Variants in MRPL37 observed in about 807,000 individuals in gnomAD.
MRPL37 encodes mitochondrial ribosomal protein L37.
MRPL37 carries 34 observed loss-of-function variants against 44.1 expected under a neutral mutation model. That is an observed-to-expected ratio of 0.77 (90% CI 0.59 to 1.03). The LOEUF (loss-of-function observed/expected upper bound fraction) is 1.03, where lower values mean the gene tolerates loss of function less well. Among genes scored for constraint, MRPL37 ranks in the 50% least tolerant of loss-of-function variants. The probability of loss-of-function intolerance (pLI) is 0.00; values close to 1 mark genes in which losing one functional copy is unlikely to be tolerated. For synonymous variants in MRPL37, 212 were observed against 219.5 expected (o/e 0.97, Z 0.30); for missense variants, 532 against 543.7 (o/e 0.98, Z 0.21).
At chr1:54,204,002 A>G (rs1644103576) in intron 1 of MRPL37, among the ~76,000 whole-genome samples, 1 of 152,184 alleles carries the variant, frequency 6.6e-6, no homozygotes, top group Non-Finnish European at 1.5e-5. Flanking sequence ...GAAGCTGAAA[A>G]TATTTACTAT....
intron 4 of MRPL37, among the ~76,000 whole-genome samples, chr1:54,212,116 T>C (rs1460241497): frequency 1.3e-5 from 2 of 152,162 alleles, no homozygotes; most frequent in African/African-American, 4.8e-5. Flanking sequence ...TGTGCCAGAA[T>C]GAGAGAGAAA....
Position 54,216,152 on chromosome 1 carries a change from G to C in MRPL37, c.1002G>C (p.Lys334Asn), listed in dbSNP as rs1644195657. ...CCTTTTCCTCTCAGAATGATGCCAA[G>C]GTCTTGGAGCAGCCCGTGGTGGTGC... ...QARLLYGNDAKVLEQPVVVQS... is the reference protein window; with the variant it reads ...QARLLYGNDANVLEQPVVVQS... The change falls in exon 6 of 7, where the codon AAG becomes AAC. Residue 334 changes from lysine to asparagine, a missense_variant. Lys to Asn is a moderately conservative substitution (Grantham distance 94, BLOSUM62 0). Transcript: ENST00000360840. 2.5e-6 allele frequency: 4 copies of C among 1,614,088 alleles called. No individual in the cohort carries two copies. Among genetic ancestry groups the C allele is most frequent in the Admixed American group, 3.3e-5 (2 of 60,000 alleles).
At chr1:54,216,867 T>C (rs1315270111) in intron 6 of MRPL37, among the ~76,000 whole-genome samples, 3 of 152,168 alleles carry the variant, frequency 2.0e-5, no homozygotes, top group Non-Finnish European at 4.4e-5. Flanking sequence ...ACATGTTTTT[T>C]TTCCTCCACC....
chr1:54,200,485 G>A lies in MRPL37; in HGVS notation c.242G>A (p.Gly81Asp), dbSNP rs770365522. The change falls in exon 1 of 7, where the codon GGC (glycine) becomes GAC (aspartate). Residue 81 changes from glycine (G) to aspartate (D), a missense_variant. Coordinates refer to ENST00000360840, the MANE Select transcript of MRPL37 (RefSeq NM_016491.4). ...CCGATCTTTCCGCCCTGGGACCGCG[G>A]CTACAAGGACCCAAGGTTCTACCGC... ...ARPIFPPWDRGYKDPRFYRSP... is the reference protein window; with the variant it reads ...ARPIFPPWDRDYKDPRFYRSP... The A allele has an allele frequency of 2.4e-5, 38 of 1,614,226 alleles. No homozygotes were observed. The highest frequency in any genetic ancestry group is 1.3e-4 in the Admixed American group (8 of 60,032).
chr1:54,203,614 C>A (rs373366530), intron 1 of MRPL37, among the ~76,000 whole-genome samples: 4 of 151,632 alleles, frequency 2.6e-5, no homozygotes, highest in Non-Finnish European at 5.9e-5. Context: ...GCTGGGACTT[C>A]GGGCAAGCAC....
chr1:54,224,603 T>A (rs1317905270), downstream of MRPL37, among the ~76,000 whole-genome samples: 1 of 152,216 alleles, frequency 6.6e-6, no homozygotes. Flanking sequence ...AAGGGCTTTA[T>A]AAACATGGGC....
rs983215661 is a variant in MRPL37 at position 54,200,308 on chromosome 1, G to A, written c.65G>A (p.Gly22Asp). ...GGCTCCGGGCAGCTCGGCCTTGGGG[G>A]CTTCGGGGCCCCGAGACGCGGGGCG... ...LAGSGQLGLG[G>D]FGAPRRGAYE... The change falls in exon 1 of 7, where the codon GGC (glycine) becomes GAC (aspartate). Residue 22 changes from glycine (G) to aspartate (D), a missense_variant. Transcript: ENST00000360840. 6 of 1,612,910 alleles carry A rather than the reference G, an allele frequency of 3.7e-6. No individual in the cohort carries two copies. In the East Asian group the frequency reaches 6.7e-5, roughly 18 times the overall value.
Position 54,210,103 on chromosome 1 carries a change from C to A in MRPL37, c.804C>A (p.Cys268Ter). Residue 268 changes from cysteine to a stop codon, truncating the protein, a stop_gained, in exon 4 of 7, where the codon TGC becomes TGA. Coordinates refer to ENST00000360840, the MANE Select transcript of MRPL37 (RefSeq NM_016491.4). LOFTEE classifies it high-confidence loss of function. ...PISPIIDLHE[C>*]NIYDVKNDTG... ...CACCCATCATCGATCTTCATGAATG[C>A]AATATTTATGATGTGAAAAATGACA... is the stretch of plus-strand genomic sequence containing the variant. 1 of 1,614,026 alleles carries A rather than the reference C, an allele frequency of 6.2e-7. No homozygotes were observed. The highest frequency in any genetic ancestry group is 1.1e-5 in the South Asian group (1 of 91,066).
In MRPL37 at chr1:54,200,307, G is replaced by A. The variant is rs766984304; in HGVS notation, c.64G>A (p.Gly22Ser). Residue 22 changes from glycine to serine, a missense_variant, in exon 1 of 7, where the codon GGC becomes AGC. Gly to Ser is a moderately conservative substitution (Grantham distance 56). Transcript: ENST00000360840. ...TGGCTCCGGGCAGCTCGGCCTTGGGGGCTTCGGGGCCCCGAGACGCGGGGC... is the reference window on the plus strand; with the variant it reads ...TGGCTCCGGGCAGCTCGGCCTTGGGAGCTTCGGGGCCCCGAGACGCGGGGC... The part of the protein sequence containing the change: ...LAGSGQLGLG[G>S]FGAPRRGAYE... 39 of 1,612,884 alleles carry A rather than the reference G, an allele frequency of 2.4e-5. No individual in the cohort carries two copies. The highest frequency in any genetic ancestry group is 3.1e-5 in the Non-Finnish European group (37 of 1,179,726).
chr1:54,225,218 T>C (rs1360520959), downstream of MRPL37: 54 of 1,234,354 alleles, frequency 4.4e-5, no homozygotes, highest in Non-Finnish European at 5.2e-5. Flanking sequence ...TAAAGTGAGA[T>C]GGATACCTTC....
At chr1:54,219,445 GCA>G (rs1644219177), downstream of MRPL37, among the ~76,000 whole-genome samples, 2 of 152,166 alleles carry the variant, frequency 1.3e-5, no homozygotes, top group Admixed American at 6.5e-5. Flanking sequence ...AAGCAGCAAG[GCA>G]CAGAGGACCA....
intron 1 of MRPL37, among the ~76,000 whole-genome samples, chr1:54,204,019 C>T (rs1644103783): frequency 6.6e-6 from 1 of 152,118 alleles, no homozygotes; most frequent in Non-Finnish European, 1.5e-5. Context: ...CTATTTGGCC[C>T]TTTGAGAAAA....
At chr1:54,202,958 G>A (rs546047290) in intron 1 of MRPL37, among the ~76,000 whole-genome samples, 1 of 152,288 alleles carries the variant, frequency 6.6e-6, no homozygotes, top group South Asian at 2.1e-4. Context: ...GAGGACTGGT[G>A]TGTTTACTTG....
intron 6 of MRPL37, 97 bp downstream of exon 6, chr1:54,216,441 A>T (rs35895627): frequency 1.4e-6 from 2 of 1,409,474 alleles, no homozygotes; most frequent in East Asian, 4.9e-5. Flanking sequence ...CTGTGAGGAG[A>T]GCCCTGGCCC....
chr1:54,203,649 T>C (rs1644100365), intron 1 of MRPL37, among the ~76,000 whole-genome samples: 1 of 151,976 alleles, frequency 6.6e-6, no homozygotes, highest in South Asian at 2.1e-4. Flanking sequence ...AATTTTTTTG[T>C]ATTTTTAGTA....
chr1:54,206,343 A>G (rs1570141641), intron 3 of MRPL37, among the ~76,000 whole-genome samples: 1 of 150,516 alleles, frequency 6.6e-6, no homozygotes, highest in South Asian at 2.1e-4. Context: ...CGATCTCCTG[A>G]CCTCCTGATC....
At chr1:54,203,965 A>C (rs1357340311) in intron 1 of MRPL37, among the ~76,000 whole-genome samples, 2 of 152,206 alleles carry the variant, frequency 1.3e-5, no homozygotes, top group Non-Finnish European at 2.9e-5. Flanking sequence ...AGCAGAGTTG[A>C]GTAGTTGTGA....
Position 54,205,199 on chromosome 1 carries a change from C to G in MRPL37, c.528C>G (p.Tyr176Ter), listed in dbSNP as rs758907947. ...TTEEIPKRET[Y>*]CPVIVDNLIQ... is the part of the protein sequence containing the mutation. ...AGGAAATCCCCAAGAGAGAGACCTA[C>G]TGGTAAGTTCCCCCAAGTAAAGAAG... The change falls in exon 2 of 7, where the codon TAC (tyrosine) becomes TAG (stop). Residue 176 changes from tyrosine (Y) to a stop codon, truncating the protein, a stop_gained and splice_region_variant. Coordinates refer to ENST00000360840, the MANE Select transcript of MRPL37 (RefSeq NM_016491.4). LOFTEE classifies it high-confidence loss of function. The G allele has an allele frequency of 6.2e-7, 1 of 1,610,462 alleles. No homozygotes were observed. The highest frequency in any genetic ancestry group is 8.5e-7 in the Non-Finnish European group (1 of 1,177,142).
At position 54,210,053 on chromosome 1, in the gene MRPL37, G is replaced by A; in HGVS notation, c.754G>A (p.Val252Ile). Reference sequence around the variant, plus strand: ...GGAGATTGAAGCTACTAAGAATCATGTTCTAGAGACCTTCTACCCCATATC... The same window carrying A: ...GGAGATTGAAGCTACTAAGAATCATATTCTAGAGACCTTCTACCCCATATC... ...REEIEATKNH[V>I]LETFYPISPI... Residue 252 changes from valine to isoleucine, a missense_variant, in exon 4 of 7, where the codon GTT (valine) becomes ATT (isoleucine). Physicochemically the swap from Val to Ile is conservative, Grantham distance 29 (BLOSUM62 3). Coordinates refer to ENST00000360840, the MANE Select transcript of MRPL37 (RefSeq NM_016491.4). 6.2e-7 allele frequency: 1 copy of A among 1,614,146 alleles called. No homozygotes were observed. Among genetic ancestry groups the A allele is most frequent in the Non-Finnish European group, 8.5e-7 (1 of 1,180,018 alleles).
Sources: allele counts gnomAD v4.1 joint callset (sites outside exome capture counted in the v4.1 genomes callset), GRCh38; gene constraint gnomAD v4.1.1; transcripts MANE v1.5; gene names NCBI Gene and HGNC (gene_info 2026-07-23, HGNC 2026-07-21).